The following VSTM4 variants were observed in gnomAD, a reference collection of about 807,000 sequenced individuals.
The protein encoded by VSTM4 is V-set and transmembrane domain-containing protein 4.
In VSTM4, 20 loss-of-function variants were observed where a neutral mutation model predicts 36.4. That is an observed-to-expected ratio of 0.55 (90% CI 0.39 to 0.80). The LOEUF (loss-of-function observed/expected upper bound fraction) is 0.80. Ranked by LOEUF, VSTM4 falls within the 30% of genes least tolerant of loss-of-function variation. VSTM4 has a pLI of 0.00. For synonymous variants in VSTM4, 182 were observed against 173.9 expected, an observed-to-expected ratio of 1.05 and a Z score of -0.37; for missense variants, 392 against 404.5, an observed-to-expected ratio of 0.97 and a Z score of 0.26.
intron 5 of VSTM4, among the ~76,000 whole-genome samples, chr10:49,063,606 T>G (rs1353957158): frequency 6.6e-6 from 1 of 152,208 alleles, no homozygotes; most frequent in Non-Finnish European, 1.5e-5. Context: ...TTTCAGAGAC[T>G]TTACAGTATT....
rs147608082 is a variant in VSTM4 at position 49,051,043 on chromosome 10, A to G, written c.669-2459T>C. Among the ~76,000 whole-genome samples, 486 of 152,324 alleles carry G rather than the reference A, an allele frequency of 3.2e-3. 9 individuals carry two copies. The highest frequency in any genetic ancestry group is 2.4e-3 in the Non-Finnish European group (166 of 68,030). On this transcript the variant is annotated intron_variant, in intron 5 of 7. Transcript: ENST00000332853. ...CATTTGCTACAACTGAGGAACCGAC[A>G]TTAGACATCAGTATCCCTCAAAGTC...
intron 3 of VSTM4, among the ~76,000 whole-genome samples, chr10:49,080,852 T>C (rs1465086805): frequency 6.6e-6 from 1 of 152,214 alleles, no homozygotes; most frequent in African/African-American, 2.4e-5. Flanking sequence ...CAGAAGCTGA[T>C]GGAATGTGAG....
chr10:49,108,107 C>G, intron 1 of VSTM4, 112 bp from the exon 2 acceptor site: 1 of 1,381,438 alleles, frequency 7.2e-7, no homozygotes. Flanking sequence ...TCCTAGTGCT[C>G]TGCCTGGCCA....
intron 2 of VSTM4, among the ~76,000 whole-genome samples, chr10:49,106,202 C>G (rs1320577283): frequency 2.6e-5 from 4 of 152,208 alleles, no homozygotes; most frequent in Non-Finnish European, 4.4e-5. Flanking sequence ...CTTTTCACAA[C>G]TAAGTTTTGT....
At chr10:49,052,738 AT>A (rs1047431330) in intron 5 of VSTM4, among the ~76,000 whole-genome samples, 6 of 151,736 alleles carry the variant, frequency 4.0e-5, no homozygotes, top group East Asian at 3.9e-4. Flanking sequence ...CTCTTTTTGG[AT>A]TTTTTTTAAC....
intron 4 of VSTM4, among the ~76,000 whole-genome samples, chr10:49,075,499 G>T (rs1463468394): frequency 2.0e-5 from 3 of 152,264 alleles, no homozygotes; most frequent in Non-Finnish European, 4.4e-5. Flanking sequence ...TCCTCTTGAA[G>T]GAAGGCCCAT....
chr10:49,058,596 C>T (rs920823324), intron 5 of VSTM4, among the ~76,000 whole-genome samples: 1 of 152,176 alleles, frequency 6.6e-6, no homozygotes, highest in African/African-American at 2.4e-5. Flanking sequence ...GTCAGGGCCA[C>T]CCCTCCAAGA....
intron 7 of VSTM4, among the ~76,000 whole-genome samples, chr10:49,029,064 C>G (rs759807077): frequency 6.6e-6 from 1 of 152,170 alleles, no homozygotes; most frequent in Non-Finnish European, 1.5e-5. Context: ...ACAACTATAG[C>G]CACCAAGGAG....
intron 5 of VSTM4, among the ~76,000 whole-genome samples, chr10:49,063,047 A>T (rs1257237687): frequency 6.6e-6 from 1 of 150,386 alleles, no homozygotes; most frequent in Non-Finnish European, 1.5e-5. Context: ...TTTAATAAAA[A>T]CTGCTTTAAG....
At position 49,095,751 on chromosome 10, in the gene VSTM4, T is replaced by C. The variant is rs116731846; in HGVS notation, c.458-9728A>G. On this transcript the variant is annotated intron_variant, in intron 2 of 7. Transcript: ENST00000332853. ...CCCCTCGTCTGGCCCTTTCACACTC[T>C]TTCTGTTTGCTACCTCCATAACGTC... 2.1e-3 allele frequency among the ~76,000 whole-genome samples: 318 copies of C among 152,278 alleles called. 1 individual carries two copies. Among genetic ancestry groups the C allele is most frequent in the African/African-American group, 7.3e-3 (303 of 41,554 alleles).
At chr10:49,106,608 T>C (rs1263869302) in intron 2 of VSTM4, among the ~76,000 whole-genome samples, 1 of 152,206 alleles carries the variant, frequency 6.6e-6, no homozygotes, top group African/African-American at 2.4e-5. Context: ...TTGGATCAGT[T>C]CCACTGGGCA....
intron 3 of VSTM4, among the ~76,000 whole-genome samples, chr10:49,085,625 A>T (rs1232033387): frequency 6.6e-6 from 1 of 152,220 alleles, no homozygotes; most frequent in Non-Finnish European, 1.5e-5. Context: ...AGGGATTTCC[A>T]TCTCACTTTG....
chr10:49,024,195 CT>C (rs201819164), intron 7 of VSTM4, among the ~76,000 whole-genome samples: 5,677 of 152,226 alleles, frequency 0.037, 309 homozygotes, highest in African/African-American at 0.11. Flanking sequence ...AAATAAAGGC[CT>C]GGCATTTGTT....
chr10:49,026,140 T>G (rs1843257656), intron 7 of VSTM4, among the ~76,000 whole-genome samples: 1 of 152,130 alleles, frequency 6.6e-6, no homozygotes, highest in East Asian at 1.9e-4. Context: ...AAACTAGATC[T>G]TAAGACAGAG....
intron 3 of VSTM4, among the ~76,000 whole-genome samples, chr10:49,081,224 A>C (rs916113821): frequency 2.6e-5 from 4 of 152,180 alleles, no homozygotes; most frequent in Admixed American, 2.6e-4. Context: ...CTGGCAGGAG[A>C]AGATGGTGAA....
intron 2 of VSTM4, among the ~76,000 whole-genome samples, chr10:49,095,557 C>T (rs1431908987): frequency 6.6e-6 from 1 of 152,260 alleles, no homozygotes; most frequent in South Asian, 2.1e-4. Context: ...GCCTCTCTGG[C>T]CTCTTGCAAC....
chr10:49,075,912 G>C (rs1247969795), intron 4 of VSTM4, among the ~76,000 whole-genome samples: 2 of 152,100 alleles, frequency 1.3e-5, no homozygotes, highest in Non-Finnish European at 2.9e-5. Flanking sequence ...TACCATCCTG[G>C]CTCCCTCCCA....
chr10:49,083,467 C>T (rs752747024), intron 3 of VSTM4, among the ~76,000 whole-genome samples: 1 of 152,200 alleles, frequency 6.6e-6, no homozygotes, highest in East Asian at 1.9e-4. Flanking sequence ...CCTCTAACCT[C>T]GCCAAAGCTA....
intron 7 of VSTM4, among the ~76,000 whole-genome samples, chr10:49,040,374 C>A (rs1204256418): frequency 6.6e-6 from 1 of 150,422 alleles, no homozygotes; most frequent in African/African-American, 2.5e-5. Flanking sequence ...CCTCCATTTC[C>A]CGGGTTCAAG....
Sources: gnomAD v4.1 joint callset for allele counts (sites outside exome capture counted in the v4.1 genomes callset) on GRCh38, gnomAD v4.1.1 for gene constraint, MANE v1.5 for transcripts, NCBI Gene and HGNC (gene_info 2026-07-23, HGNC 2026-07-21) for gene names.